Variants in CUX2 observed in about 807,000 individuals in gnomAD.
The protein encoded by CUX2 is homeobox protein cut-like 2.
CUX2 carries 40 observed loss-of-function variants against 144.8 expected under a neutral mutation model. That is an observed-to-expected ratio of 0.28 (90% CI 0.21 to 0.36). The LOEUF (loss-of-function observed/expected upper bound fraction) is 0.36, where lower values mean the gene tolerates loss of function less well. Ranked by LOEUF, CUX2 falls within the 10% of genes least tolerant of loss-of-function variation. The pLI, the probability that CUX2 is intolerant of heterozygous loss-of-function variation, is 1.00. For missense variants in CUX2, 1,615 were observed against 1,994.0 expected, an observed-to-expected ratio of 0.81 and a Z score of 3.62; for synonymous variants, 827 against 875.6, an observed-to-expected ratio of 0.94 and a Z score of 0.98.
intron 3 of CUX2, among the ~76,000 whole-genome samples, chr12:111,249,925 C>G (rs1273813755): frequency 6.6e-6 from 1 of 152,110 alleles, no homozygotes; most frequent in Non-Finnish European, 1.5e-5. Context: ...TGTCAAGACA[C>G]AATTATTCAC....
chr12:111,159,415 G>A (rs903140318), intron 1 of CUX2, among the ~76,000 whole-genome samples: 18 of 151,534 alleles, frequency 1.2e-4, no homozygotes, highest in African/African-American at 4.4e-4. Context: ...CTCCCAAAGT[G>A]CTGGAATTAC....
At chr12:111,091,934 C>T (rs1395114803) in intron 1 of CUX2, among the ~76,000 whole-genome samples, 1 of 152,244 alleles carries the variant, frequency 6.6e-6, no homozygotes, top group East Asian at 1.9e-4. Flanking sequence ...ATCCGATATG[C>T]TCTCATCTTA....
intron 1 of CUX2, among the ~76,000 whole-genome samples, chr12:111,187,668 GGTCTCCTGAGGTGCCACTCA>G (rs1447532022): frequency 2.6e-5 from 4 of 152,160 alleles, no homozygotes; most frequent in African/African-American, 2.4e-5. Flanking sequence ...AGGCCGGCTG[GGTCTCCTGAGGTGCCACTCA>G]GTCTCCTGAG....
chr12:111,047,789 A>C (rs1870071074), intron 1 of CUX2, among the ~76,000 whole-genome samples: 1 of 152,208 alleles, frequency 6.6e-6, no homozygotes, highest in African/African-American at 2.4e-5. Context: ...TAAACAAATA[A>C]ATGTGTAATG....
At chr12:111,086,311 G>A (rs966446619) in intron 1 of CUX2, among the ~76,000 whole-genome samples, 2 of 152,170 alleles carry the variant, frequency 1.3e-5, no homozygotes, top group African/African-American at 4.8e-5. Context: ...TTAGTTCACA[G>A]GCAACTGGAA....
rs570655197 is a variant in CUX2, at chr12:111,124,424, ATTC to A, written c.64-89770_64-89768del. ...AGCCCAGTAAGGCCTATCTGTCTGG[ATTC>A]TTCTTGGCCTCCGTGCAGCCTGCCT... is the stretch of plus-strand genomic sequence containing the variant. On this transcript the variant is annotated intron_variant, in intron 1 of 21. Transcript: ENST00000261726. 1.4e-3 allele frequency among the ~76,000 whole-genome samples: 209 copies of A among 152,300 alleles called. 1 individual carries two copies. The highest frequency in any genetic ancestry group is 4.4e-3 in the African/African-American group (182 of 41,556).
rs1869351659 is a variant in CUX2 at position 111,034,921 on chromosome 12, C to T, written c.63+681C>T. ...ACTGGCCGCAAGCGCCGGCAGACCT[C>T]TTCTCCTCGGGCCGGGGTCTTGGGG... is the stretch of plus-strand genomic sequence containing the variant. On this transcript the variant is annotated intron_variant, in intron 1 of 21. Coordinates refer to ENST00000261726, the MANE Select transcript of CUX2 (RefSeq NM_015267.4). The surrounding 1 kb of genome is among the most constrained non-coding windows in gnomAD (Gnocchi z 4.2). 1.3e-5 allele frequency among the ~76,000 whole-genome samples: 2 copies of T among 151,752 alleles called. No homozygotes were observed. The highest frequency in any genetic ancestry group is 1.9e-4 in the East Asian group (1 of 5,144).
At chr12:111,207,618 G>A (rs932935641) in intron 1 of CUX2, among the ~76,000 whole-genome samples, 17 of 152,086 alleles carry the variant, frequency 1.1e-4, no homozygotes, top group African/African-American at 3.9e-4. Flanking sequence ...CTGGAATCTC[G>A]ACCATCACTT....
At chr12:111,245,693 G>A (rs150953108) in intron 3 of CUX2, among the ~76,000 whole-genome samples, 23 of 152,134 alleles carry the variant, frequency 1.5e-4, no homozygotes, top group Admixed American at 6.5e-4. Flanking sequence ...CGAGCTAAGA[G>A]GTTTTCTCTG....
chr12:111,343,545 G>A (rs1708527091), intron 21 of CUX2, among the ~76,000 whole-genome samples: 2 of 152,132 alleles, frequency 1.3e-5, no homozygotes, highest in Admixed American at 1.3e-4. Flanking sequence ...AGGAATCAAG[G>A]AAAGAGGAGA....
intron 1 of CUX2, among the ~76,000 whole-genome samples, chr12:111,201,560 G>A (rs529473626): frequency 2.0e-5 from 3 of 152,248 alleles, no homozygotes; most frequent in Admixed American, 1.3e-4. Flanking sequence ...TTGGGACTAC[G>A]CCTGCATATT....
intron 3 of CUX2, among the ~76,000 whole-genome samples, chr12:111,224,455 C>T (rs1882022280): frequency 6.7e-6 from 1 of 150,056 alleles, no homozygotes; most frequent in Non-Finnish European, 1.5e-5. Flanking sequence ...TGCCCCCCTT[C>T]TGCTCCGTGT....
At chr12:111,120,569 A>G (rs1874586242) in intron 1 of CUX2, among the ~76,000 whole-genome samples, 1 of 151,892 alleles carries the variant, frequency 6.6e-6, no homozygotes, top group Non-Finnish European at 1.5e-5. Context: ...CAGGTGTAGG[A>G]AAATCTAGCT....
chr12:111,251,700 T>A (rs1285229094), intron 3 of CUX2, among the ~76,000 whole-genome samples: 3 of 152,280 alleles, frequency 2.0e-5, no homozygotes, highest in Non-Finnish European at 2.9e-5. Context: ...TAATTACAAA[T>A]ATTAGAATAA....
intron 3 of CUX2, 106 bp downstream of exon 3, chr12:111,218,043 AG>A: frequency 8.5e-7 from 1 of 1,182,076 alleles, no homozygotes; most frequent in Non-Finnish European, 1.3e-6. Flanking sequence ...GAAGCTTTGG[AG>A]AAGCTTCCCT....
At chr12:111,191,488 C>G (rs7978164) in intron 1 of CUX2, among the ~76,000 whole-genome samples, 6,270 of 152,100 alleles carry the variant, frequency 0.041, 435 homozygotes, top group African/African-American at 0.14. Flanking sequence ...CACGCCACCA[C>G]GCCAGCTAAT....
rs532759564 is a variant in CUX2, at chr12:111,171,179, G to C, written c.64-43021G>C. 6.6e-6 allele frequency among the ~76,000 whole-genome samples: 1 copy of C among 152,180 alleles called. No individual in the cohort carries two copies. The highest frequency in any genetic ancestry group is 2.4e-5 in the African/African-American group (1 of 41,506). On this transcript the variant is annotated intron_variant, in intron 1 of 21. Coordinates refer to ENST00000261726, the MANE Select transcript of CUX2 (RefSeq NM_015267.4). This position sits in a 1 kb window ranked among gnomAD's most constrained non-coding sequence, Gnocchi z 5.0. Reference sequence around the variant, plus strand: ...GGGGGTGACAGAGATGGAGAAGTTGGGCAACCCCCAGTCTGATGGACGGGG... The same window carrying C: ...GGGGGTGACAGAGATGGAGAAGTTGCGCAACCCCCAGTCTGATGGACGGGG...
intron 1 of CUX2, among the ~76,000 whole-genome samples, chr12:111,049,246 A>C (rs1183398497): frequency 6.6e-6 from 1 of 151,368 alleles, no homozygotes; most frequent in East Asian, 1.9e-4. Context: ...CCCATCCACG[A>C]ATTCCTCCAC....
chr12:111,320,072 C>T lies in CUX2; in HGVS notation c.2063C>T (p.Thr688Ile), dbSNP rs1006920792. Residue 688 changes from threonine to isoleucine, a missense_variant, in exon 17 of 22, where the codon ACC (threonine) becomes ATC (isoleucine). Coordinates refer to ENST00000261726, the MANE Select transcript of CUX2 (RefSeq NM_015267.4). This position sits in a 1 kb window ranked among gnomAD's most constrained non-coding sequence, Gnocchi z 8.1. ...SIANGTTPASTSEDAIKSILE... is the reference protein window; with the variant it reads ...SIANGTTPASISEDAIKSILE... ...GCCAACGGCACGACCCCCGCCAGCA[C>T]CTCGGAGGACGCCATCAAGAGCATC... 3 of 1,553,924 alleles carry T rather than the reference C, an allele frequency of 1.9e-6. No individual in the cohort carries two copies. The highest frequency in any genetic ancestry group is 2.7e-5 in the African/African-American group (2 of 73,452).
Sources: gnomAD v4.1 joint callset for allele counts (sites outside exome capture counted in the v4.1 genomes callset) on GRCh38, gnomAD v4.1.1 for gene constraint, Gnocchi (gnomAD v3.1) non-coding constraint, MANE v1.5 for transcripts, NCBI Gene and HGNC (gene_info 2026-07-23, HGNC 2026-07-21) for gene names.